The following ABCC9 variants were observed in gnomAD, a reference collection of about 807,000 sequenced individuals.
The protein encoded by ABCC9 is ATP binding cassette subfamily C member 9.
Under a neutral mutation model 188.3 loss-of-function variants are expected in ABCC9, and 95 were observed. That is an observed-to-expected ratio of 0.50 (90% CI 0.43 to 0.60). ABCC9 has a LOEUF of 0.60. Among genes scored for constraint, ABCC9 ranks in the 20% least tolerant of loss-of-function variants. The pLI is 0.00. For synonymous variants in ABCC9, 659 were observed against 652.7 expected (o/e 1.01, Z -0.15); for missense variants, 1,102 against 1,876.3 (o/e 0.59, Z 7.62).
chr12:21,845,327 T>C (rs1055927666), intron 26 of ABCC9, among the ~76,000 whole-genome samples: 2 of 151,638 alleles, frequency 1.3e-5, no homozygotes, highest in Admixed American at 6.6e-5. Flanking sequence ...ATGTATAACA[T>C]ATATAAAAAT....
At chr12:21,855,382 G>A (rs1000953214) in intron 22 of ABCC9, among the ~76,000 whole-genome samples, 4 of 151,952 alleles carry the variant, frequency 2.6e-5, no homozygotes, top group African/African-American at 2.4e-5. Flanking sequence ...ACCACGCCCC[G>A]CTAATTTTTT....
chr12:21,923,987 A>T, intron 5 of ABCC9: 1 of 537,498 alleles, frequency 1.9e-6, no homozygotes, highest in Non-Finnish European at 3.3e-6. Flanking sequence ...TCATGCTTAG[A>T]AAAAGAAGCC....
At chr12:21,881,187 C>T (rs1195499009) in intron 16 of ABCC9, among the ~76,000 whole-genome samples, 2 of 152,078 alleles carry the variant, frequency 1.3e-5, no homozygotes, top group African/African-American at 4.8e-5. Context: ...TATAAGAAGA[C>T]AGCAGATATA....
chr12:21,885,366 G>A (rs1416024301), intron 15 of ABCC9, among the ~76,000 whole-genome samples: 1 of 152,162 alleles, frequency 6.6e-6, no homozygotes, highest in African/African-American at 2.4e-5. Flanking sequence ...GATATTGGAT[G>A]CATTTGAAGG....
In ABCC9 at chr12:21,882,543, A is replaced by G. The variant is rs143836075; in HGVS notation, c.2019+223T>C. On this transcript the variant is annotated intron_variant, in intron 16 of 39. Transcript: ENST00000261200. ...TAAAGCAGATTCAGAAGAAAGTCAC[A>G]TTCTCTGGTTATTGAAATGTGCTGC... Among the ~76,000 whole-genome samples the G allele has an allele frequency of 2.0e-5, 3 of 152,362 alleles. No homozygotes were observed. In the East Asian group the frequency reaches 5.8e-4, roughly 29 times the overall value.
chr12:21,805,100 C>T, intron 39 of ABCC9: 1 of 1,599,934 alleles, frequency 6.3e-7, no homozygotes, highest in Non-Finnish European at 8.6e-7. Context: ...CAGCATTAGC[C>T]ATGCCTTACT....
At chr12:21,819,133 T>C (rs1218424854) in intron 31 of ABCC9, among the ~76,000 whole-genome samples, 1 of 152,190 alleles carries the variant, frequency 6.6e-6, no homozygotes, top group Non-Finnish European at 1.5e-5. Flanking sequence ...TTTTATCTCA[T>C]TTCCCAGCGT....
rs776038744 is a variant in ABCC9, at chr12:21,863,067, A to G, written c.2238-13T>C. 1.3e-6 allele frequency: 2 copies of G among 1,540,674 alleles called. No individual in the cohort carries two copies. The highest frequency in any genetic ancestry group is 3.5e-5 in the Admixed American group (2 of 56,758). On this transcript the variant is annotated splice_polypyrimidine_tract_variant and intron_variant, in intron 19 of 39. Coordinates refer to ENST00000261200, the MANE Select transcript of ABCC9 (RefSeq NM_020297.4). ...GTACCTGTTCCTACTGAAAAATGAA[A>G]AAGAAAAAAAAAAACACCAGGATTA...
intron 5 of ABCC9, 47 bp from the exon 6 acceptor site, chr12:21,917,150 C>T: frequency 6.4e-7 from 1 of 1,567,692 alleles, no homozygotes; most frequent in Non-Finnish European, 8.8e-7. Flanking sequence ...TTTTCTTAAA[C>T]ATCACTAGCA....
At chr12:21,854,287 A>G (rs1432732954) in intron 22 of ABCC9, among the ~76,000 whole-genome samples, 1 of 152,212 alleles carries the variant, frequency 6.6e-6, no homozygotes, top group African/African-American at 2.4e-5. Flanking sequence ...CTTTCCATCT[A>G]TTTGTCTGCA....
At chr12:21,881,592 A>T (rs1946620005) in intron 16 of ABCC9, among the ~76,000 whole-genome samples, 1 of 152,110 alleles carries the variant, frequency 6.6e-6, no homozygotes, top group African/African-American at 2.4e-5. Flanking sequence ...ATTAGTTGTT[A>T]TCTGGGCATA....
intron 39 of ABCC9, among the ~76,000 whole-genome samples, chr12:21,804,960 G>T (rs1360106062): frequency 6.6e-6 from 1 of 152,164 alleles, no homozygotes; most frequent in African/African-American, 2.4e-5. Flanking sequence ...ACTCTCTTTT[G>T]CATGTATATA....
intron 30 of ABCC9, among the ~76,000 whole-genome samples, 190 bp from the exon 31 acceptor site, chr12:21,829,250 G>A (rs1325911331): frequency 8.1e-6 from 1 of 123,142 alleles, no homozygotes; most frequent in African/African-American, 3.1e-5. Flanking sequence ...TGCCCAGGCT[G>A]GAGTGCAGTG....
At position 21,910,226 on chromosome 12, in the gene ABCC9, G is replaced by T. The variant is rs746029351; in HGVS notation, c.1251C>A (p.Val417=). The part of the protein sequence containing the change: ...EMTLGQINNL[V]AIETNQLMWF... ...ACATGAGTTGATTAGTTTCAATGGC[G>T]ACTAAGTTGTTGATCTGCCCCAGAG... Residue 417 remains valine, a synonymous_variant, in exon 10 of 40, where the codon GTC becomes GTA. Coordinates refer to ENST00000261200, the MANE Select transcript of ABCC9 (RefSeq NM_020297.4). 1.9e-6 allele frequency: 3 copies of T among 1,610,620 alleles called. No homozygotes were observed. In the South Asian group the frequency reaches 3.3e-5, roughly 18 times the overall value.
At position 21,800,733 on chromosome 12, in the gene ABCC9, T is replaced by C. The variant is rs1405393779; in HGVS notation, c.*311A>G. The C allele has an allele frequency of 3.6e-5, 13 of 359,950 alleles. No homozygotes were observed. In the Middle Eastern group the frequency reaches 2.6e-3, roughly 73 times the overall value. 22.3% of individuals were successfully genotyped at this position (359,950 alleles called of 1,614,324 possible). A position where few individuals can be genotyped will look rare whatever the true frequency, so the allele number is the denominator to read the frequency against. ...TTGACACTTCCATTCCTGAGAGATA[T>C]TTACCAGACTTAAAGTTAGGAGAAA... On this transcript the variant is annotated 3_prime_UTR_variant, in exon 40 of 40. Transcript: ENST00000261200.
intron 16 of ABCC9, among the ~76,000 whole-genome samples, chr12:21,877,076 T>C (rs1306494632): frequency 6.6e-6 from 1 of 152,216 alleles, no homozygotes; most frequent in Non-Finnish European, 1.5e-5. Context: ...TTTGTAAATA[T>C]GGCTGATCAT....
intron 5 of ABCC9, among the ~76,000 whole-genome samples, chr12:21,917,443 A>C (rs1948647858): frequency 6.6e-6 from 1 of 152,184 alleles, no homozygotes; most frequent in East Asian, 1.9e-4. Context: ...TCCTGTTTTC[A>C]AAGAGCCTTA....
intron 30 of ABCC9, among the ~76,000 whole-genome samples, chr12:21,834,498 A>G (rs140995396): frequency 0.014 from 2,181 of 152,176 alleles, 27 homozygotes; most frequent in Non-Finnish European, 0.019. Context: ...TGCTACAGGT[A>G]AAGGTTTACT....
chr12:21,801,240 T>C lies in ABCC9; in HGVS notation c.4513-59A>G. 2.5e-6 allele frequency: 4 copies of C among 1,601,902 alleles called. No homozygotes were observed. In the South Asian group the frequency reaches 3.3e-5, roughly 13 times the overall value. On this transcript the variant is annotated intron_variant, in intron 39 of 39. Transcript: ENST00000261200. The stretch of plus-strand genomic sequence containing the variant: ...CATTTCAGGGCACACGCCAAAACAA[T>C]GGAATATGTATATTTCATGAATTAT...
Sources: gnomAD v4.1 joint callset for allele counts (sites outside exome capture counted in the v4.1 genomes callset) on GRCh38, gnomAD v4.1.1 for gene constraint, MANE v1.5 for transcripts, NCBI Gene and HGNC (gene_info 2026-07-23, HGNC 2026-07-21) for gene names.